The following CDC42BPB variants were observed in gnomAD, a reference collection of about 807,000 sequenced individuals.
CDC42BPB encodes serine/threonine-protein kinase MRCK beta.
In CDC42BPB, 37 loss-of-function variants were observed where a neutral mutation model predicts 214.9. The observed-to-expected ratio is 0.17, with a 90% CI of 0.13 to 0.23. The LOEUF (loss-of-function observed/expected upper bound fraction) is 0.23, where lower values mean the gene tolerates loss of function less well. CDC42BPB is among the 10% of genes least tolerant of loss of function. CDC42BPB has a pLI of 1.00. For missense variants in CDC42BPB, 1,694 were observed against 2,227.0 expected (o/e 0.76, Z 4.82); for synonymous variants, 931 against 884.0 (o/e 1.05, Z -0.94).
rs911224953 is a variant in CDC42BPB, at chr14:102,969,004, T to G, written c.1996-288A>C. On this transcript the variant is annotated intron_variant, in intron 14 of 36. Transcript: ENST00000361246. ...GCAGCATTCTTCTGAGGGCTGACTC[T>G]GTGCTGGGCCCCCTCCTTGTGACTG... is the stretch of plus-strand genomic sequence containing the variant. The G allele has an allele frequency of 1.2e-5, 7 of 578,530 alleles. No individual in the cohort carries two copies. The African/African-American group carries it at 1.2e-4, about 10-fold the overall frequency. The allele number at this position is 578,530 out of a possible 1,614,324, so 35.8% of individuals were successfully genotyped here.
chr14:103,022,771 G>A (rs893148937), intron 1 of CDC42BPB, among the ~76,000 whole-genome samples: 1 of 151,978 alleles, frequency 6.6e-6, no homozygotes, highest in African/African-American at 2.4e-5. Flanking sequence ...CAAAATAAAC[G>A]CCCCAAGCTT....
intron 1 of CDC42BPB, among the ~76,000 whole-genome samples, chr14:103,043,919 C>T (rs970986745): frequency 6.6e-6 from 1 of 152,084 alleles, no homozygotes; most frequent in Non-Finnish European, 1.5e-5. Flanking sequence ...TATATCCAGG[C>T]TTATCATTTT....
chr14:103,035,247 G>A (rs1279394490), intron 1 of CDC42BPB, among the ~76,000 whole-genome samples: 1 of 151,950 alleles, frequency 6.6e-6, no homozygotes. Context: ...AGTAGAGACG[G>A]GGTTTCTCCT....
intron 1 of CDC42BPB, among the ~76,000 whole-genome samples, chr14:103,037,153 A>C (rs768582452): frequency 3.3e-5 from 5 of 152,244 alleles, no homozygotes; most frequent in Non-Finnish European, 7.3e-5. Flanking sequence ...ATTAACATTC[A>C]ATTTTAATGG....
intron 1 of CDC42BPB, among the ~76,000 whole-genome samples, chr14:103,049,988 G>A (rs1388509533): frequency 6.6e-6 from 1 of 152,208 alleles, no homozygotes; most frequent in Non-Finnish European, 1.5e-5. Flanking sequence ...TGGGATTACA[G>A]GCATGAGCCA....
chr14:102,977,334 G>A (rs544433488), intron 9 of CDC42BPB, among the ~76,000 whole-genome samples: 8 of 84,164 alleles, frequency 9.5e-5, no homozygotes, highest in African/African-American at 1.8e-4. Flanking sequence ...GCGAGACTCC[G>A]TCTCCAAAAA....
chr14:102,944,221 T>A lies in CDC42BPB; in HGVS notation c.4078A>T (p.Thr1360Ser). Residue 1360 changes from threonine to serine, a missense_variant, in exon 30 of 37, where the codon ACG becomes TCG. Physicochemically the swap from Thr to Ser is moderately conservative, Grantham distance 58 (BLOSUM62 1). Coordinates refer to ENST00000361246, the MANE Select transcript of CDC42BPB (RefSeq NM_006035.4). The surrounding 1 kb of genome is among the most constrained non-coding windows in gnomAD (Gnocchi z 6.6). Reference protein sequence around the residue: ...RLILCYEIQRTKPFHRKFNEI... With the variant: ...RLILCYEIQRSKPFHRKFNEI... Reference sequence around the variant, plus strand: ...TTGAACTTTCTGTGGAATGGCTTCGTTCTCTGGATCTCATAGCAAAGGATC... The same window carrying A: ...TTGAACTTTCTGTGGAATGGCTTCGATCTCTGGATCTCATAGCAAAGGATC... 1 of 1,613,302 alleles carries A rather than the reference T, an allele frequency of 6.2e-7. No individual in the cohort carries two copies. Among genetic ancestry groups the A allele is most frequent in the Non-Finnish European group, 8.5e-7 (1 of 1,180,030 alleles).
rs1473068648 is a variant in CDC42BPB at position 102,941,243 on chromosome 14, C to G, written c.4409-919G>C. ...GCGGCAAGCCCCAAATGCAAGAGAG[C>G]TCCAGCTCAGTGCTCCTTCCTGGCT... On this transcript the variant is annotated intron_variant, in intron 30 of 36. Coordinates refer to ENST00000361246, the MANE Select transcript of CDC42BPB (RefSeq NM_006035.4). 3 of 985,352 alleles carry G rather than the reference C, an allele frequency of 3.0e-6. No homozygotes were observed. The African/African-American group carries it at 5.2e-5, about 17-fold the overall frequency. The allele number at this position is 985,352 out of a possible 1,614,324, so 61.0% of individuals were successfully genotyped here.
In CDC42BPB at chr14:102,939,820, C is replaced by G. The variant is rs1361342496; in HGVS notation, c.4709+10G>C. 1 of 1,614,054 alleles carries G rather than the reference C, an allele frequency of 6.2e-7. No individual in the cohort carries two copies. Among genetic ancestry groups the G allele is most frequent in the Non-Finnish European group, 8.5e-7 (1 of 1,180,032 alleles). On this transcript the variant is annotated intron_variant, in intron 33 of 36. Transcript: ENST00000361246. ...GAGGCCCAGCAGGCCCCGTGAGGCC[C>G]CGCTCCTACCGCCTCTGCTGCAGTC...
In CDC42BPB at chr14:102,983,771, A is replaced by T; in HGVS notation, c.691-15T>A. 1 of 1,609,662 alleles carries T rather than the reference A, an allele frequency of 6.2e-7. No homozygotes were observed. Reference sequence around the variant, plus strand: ...GAGGACTGCACCTTAGGGGAGAAGGAGGTGCTGAAGGAAACCCTAGGGCAT... The same window carrying T: ...GAGGACTGCACCTTAGGGGAGAAGGTGGTGCTGAAGGAAACCCTAGGGCAT... On this transcript the variant is annotated splice_polypyrimidine_tract_variant and intron_variant, in intron 6 of 36. Transcript: ENST00000361246.
chr14:103,022,906 G>A (rs191479794), intron 1 of CDC42BPB, among the ~76,000 whole-genome samples: 1 of 152,000 alleles, frequency 6.6e-6, no homozygotes, highest in African/African-American at 2.4e-5. Flanking sequence ...ACCCCCCTCA[G>A]GCTCCCACTG....
At chr14:103,039,280 T>C (rs1887845773) in intron 1 of CDC42BPB, among the ~76,000 whole-genome samples, 1 of 141,338 alleles carries the variant, frequency 7.1e-6, no homozygotes, top group South Asian at 2.2e-4. Context: ...CAGTATTATC[T>C]TGATACCAAA....
chr14:102,933,123 C>T lies in CDC42BPB; in HGVS notation c.*589G>A, dbSNP rs908208943. On this transcript the variant is annotated 3_prime_UTR_variant, in exon 37 of 37. Transcript: ENST00000361246. ...AGAATGAACTTAATGCACACAGGGA[C>T]GCAGGGTGTCACTGGTCCTGGGCCT... 6.6e-5 allele frequency: 10 copies of T among 152,618 alleles called. No homozygotes were observed. The highest frequency in any genetic ancestry group is 1.2e-4 in the African/African-American group (5 of 41,574). The allele number at this position is 152,618 out of a possible 1,614,324, so 9.5% of individuals were successfully genotyped here.
At chr14:102,987,444 A>G (rs1361191683) in intron 5 of CDC42BPB, among the ~76,000 whole-genome samples, 1 of 152,208 alleles carries the variant, frequency 6.6e-6, no homozygotes, top group Non-Finnish European at 1.5e-5. Flanking sequence ...AAGTACAAGC[A>G]TGTTCCCAGC....
At chr14:102,949,555 CCTGCGCACGCAGGCCCGTATGCATGT>C (rs1445654047) in intron 26 of CDC42BPB, among the ~76,000 whole-genome samples, 184 bp downstream of exon 26, 1 of 152,140 alleles carries the variant, frequency 6.6e-6, no homozygotes, top group African/African-American at 2.4e-5. Context: ...CGCTCCCGTT[CCTGCGCACGCAGGCCCGTATGCATGT>C]CTGTTCATAC....
At chr14:103,016,865 G>C (rs907627460) in intron 1 of CDC42BPB, among the ~76,000 whole-genome samples, 1 of 152,126 alleles carries the variant, frequency 6.6e-6, no homozygotes, top group East Asian at 1.9e-4. Context: ...AGCACACCCA[G>C]TGTGGACCAT....
At chr14:102,993,400 A>C (rs1894584898) in intron 5 of CDC42BPB, among the ~76,000 whole-genome samples, 1 of 152,186 alleles carries the variant, frequency 6.6e-6, no homozygotes, top group South Asian at 2.1e-4. Flanking sequence ...TCTGGCCAAG[A>C]GCACGTCTAT....
intron 14 of CDC42BPB, among the ~76,000 whole-genome samples, chr14:102,969,644 C>T (rs757761354): frequency 1.3e-5 from 2 of 152,240 alleles, no homozygotes; most frequent in African/African-American, 2.4e-5. Flanking sequence ...CAAGGAGATC[C>T]GCCTCCGGCC....
chr14:102,965,080 C>T (rs1050853506), intron 18 of CDC42BPB, among the ~76,000 whole-genome samples: 6 of 151,982 alleles, frequency 3.9e-5, no homozygotes, highest in Non-Finnish European at 7.4e-5. Flanking sequence ...TTACAGGTGC[C>T]GCACCACCAT....
Sources: allele counts gnomAD v4.1 joint callset (sites outside exome capture counted in the v4.1 genomes callset), GRCh38; gene constraint gnomAD v4.1.1; non-coding constraint Gnocchi (gnomAD v3.1); transcripts MANE v1.5; gene names NCBI Gene and HGNC (gene_info 2026-07-23, HGNC 2026-07-21).